Variants in SPOCK3 observed in about 807,000 individuals in gnomAD.
The protein encoded by SPOCK3 is SPARC (osteonectin), cwcv and kazal like domains proteoglycan 3.
SPOCK3 carries 30 observed loss-of-function variants against 56.6 expected under a neutral mutation model. The ratio of observed to expected loss-of-function variants is 0.53; its 90% CI spans 0.40 to 0.72. The LOEUF (loss-of-function observed/expected upper bound fraction) is 0.72, where lower values mean the gene tolerates loss of function less well. SPOCK3 is among the 30% of genes least tolerant of loss of function. SPOCK3 has a pLI of 0.00. For synonymous variants in SPOCK3, 196 were observed against 183.3 expected, an observed-to-expected ratio of 1.07 and a Z score of -0.56; for missense variants, 527 against 530.0, an observed-to-expected ratio of 0.99 and a Z score of 0.06.
rs566592333 is a variant in SPOCK3, at chr4:166,992,085, A to C, written c.350+8264T>G. Among the ~76,000 whole-genome samples, 3 of 152,300 alleles carry C rather than the reference A, an allele frequency of 2.0e-5. No homozygotes were observed. The East Asian group carries it at 5.8e-4, about 29-fold the overall frequency. On this transcript the variant is annotated intron_variant, in intron 4 of 10. Coordinates refer to ENST00000357545, the MANE Select transcript of SPOCK3 (RefSeq NM_001040159.2). ...AGATAAAATCCATTTGCTGAATTGC[A>C]AATGTTCAAAACATGTTATGTTAAA...
intron 2 of SPOCK3, among the ~76,000 whole-genome samples, chr4:167,161,078 A>C (rs569845874): frequency 6.6e-6 from 1 of 152,328 alleles, no homozygotes; most frequent in African/African-American, 2.4e-5. Context: ...TCTGCACAGC[A>C]AAAGAAACTA....
rs1257494617 is a variant in SPOCK3 at position 167,116,585 on chromosome 4, T to TGTATATATATACATATATACTATATAC, written c.190-54075_190-54049dup. ...ATATACTTTTATACATATATAGTTT[T>TGTATATATATACATATATACTATATAC]GTATATATATACATATATACTATAT... On this transcript the variant is annotated intron_variant, in intron 2 of 10. Transcript: ENST00000357545. Among the ~76,000 whole-genome samples, 103 of 113,582 alleles carry TGTATATATATACATATATACTATATAC rather than the reference T, an allele frequency of 9.1e-4. 1 individual carries two copies. The highest frequency in any genetic ancestry group is 2.8e-3 in the African/African-American group (76 of 27,574). The allele number at this position is 113,582 out of a possible 152,430, so 74.5% of individuals were successfully genotyped here. A position where few individuals can be genotyped will look rare whatever the true frequency, so the allele number is the denominator to read the frequency against.
At chr4:167,025,314 C>A (rs1751598718) in intron 3 of SPOCK3, among the ~76,000 whole-genome samples, 1 of 151,678 alleles carries the variant, frequency 6.6e-6, no homozygotes, top group Admixed American at 6.6e-5. Context: ...GCAGGCCAAG[C>A]CTACCAAAAC....
intron 2 of SPOCK3, among the ~76,000 whole-genome samples, chr4:167,207,476 G>A (rs960933840): frequency 6.6e-6 from 1 of 151,976 alleles, no homozygotes. Flanking sequence ...CATGTATTTG[G>A]TGTAAAATCA....
chr4:166,976,874 T>TTA (rs993093280), intron 4 of SPOCK3, among the ~76,000 whole-genome samples: 2 of 151,572 alleles, frequency 1.3e-5, no homozygotes, highest in Non-Finnish European at 2.9e-5. Context: ...CTCACAGATA[T>TTA]TATATATATA....
intron 6 of SPOCK3, among the ~76,000 whole-genome samples, chr4:166,838,547 T>C (rs1746869180): frequency 6.6e-6 from 1 of 151,712 alleles, no homozygotes; most frequent in Admixed American, 6.6e-5. Flanking sequence ...TTTTACATTT[T>C]CCATTTCTTT....
chr4:166,739,573 A>G (rs925816151), intron 9 of SPOCK3, among the ~76,000 whole-genome samples: 2 of 152,120 alleles, frequency 1.3e-5, no homozygotes, highest in African/African-American at 4.8e-5. Flanking sequence ...AAAATCTAAC[A>G]TACTCTATGG....
At chr4:166,742,666 T>C (rs1735012316) in intron 8 of SPOCK3, among the ~76,000 whole-genome samples, 8 of 152,280 alleles carry the variant, frequency 5.3e-5, no homozygotes, top group Admixed American at 4.6e-4. Flanking sequence ...CAGCCATATA[T>C]GCAATTTAGG....
intron 4 of SPOCK3, among the ~76,000 whole-genome samples, chr4:166,966,984 C>T (rs928287754): frequency 6.6e-6 from 1 of 152,128 alleles, no homozygotes; most frequent in African/African-American, 2.4e-5. Flanking sequence ...CATCATGCAA[C>T]CTCTAGGTAT....
intron 2 of SPOCK3, among the ~76,000 whole-genome samples, chr4:167,097,608 T>C (rs72699643): frequency 5.3e-5 from 8 of 151,716 alleles, no homozygotes; most frequent in African/African-American, 1.7e-4. Context: ...ATTTCTTACA[T>C]TGATATATTG....
intron 2 of SPOCK3, among the ~76,000 whole-genome samples, chr4:167,113,284 A>T (rs1455191021): frequency 6.6e-6 from 1 of 152,142 alleles, no homozygotes; most frequent in Non-Finnish European, 1.5e-5. Context: ...TCTACACAGT[A>T]ACCTAACATT....
chr4:166,895,319 A>C (rs1735254599), intron 5 of SPOCK3, among the ~76,000 whole-genome samples: 1 of 152,120 alleles, frequency 6.6e-6, no homozygotes, highest in African/African-American at 2.4e-5. Context: ...GTTGTTAAAA[A>C]TAATAAAAAA....
At chr4:166,969,765 G>C (rs1745175898) in intron 4 of SPOCK3, among the ~76,000 whole-genome samples, 1 of 152,070 alleles carries the variant, frequency 6.6e-6, no homozygotes, top group Non-Finnish European at 1.5e-5. Flanking sequence ...GGTGAGAATA[G>C]ACTAATACAG....
chr4:166,939,546 A>G (rs1387410682), intron 4 of SPOCK3, among the ~76,000 whole-genome samples: 2 of 152,204 alleles, frequency 1.3e-5, no homozygotes, highest in Non-Finnish European at 2.9e-5. Flanking sequence ...CCATAGTTCT[A>G]TGCAGGAAAT....
intron 8 of SPOCK3, among the ~76,000 whole-genome samples, chr4:166,749,497 G>T (rs1416769429): frequency 1.3e-5 from 2 of 151,934 alleles, no homozygotes; most frequent in African/African-American, 4.8e-5. Flanking sequence ...TGCGGTGGGG[G>T]GAGCGGGGAG....
At chr4:167,230,517 A>AC (rs1242736961) in intron 2 of SPOCK3, among the ~76,000 whole-genome samples, 3 of 151,330 alleles carry the variant, frequency 2.0e-5, no homozygotes, top group Non-Finnish European at 3.0e-5. Flanking sequence ...AAAAAAAAAA[A>AC]AAACCAGCAT....
At chr4:167,085,574 C>T (rs576291900) in intron 2 of SPOCK3, among the ~76,000 whole-genome samples, 2 of 152,160 alleles carry the variant, frequency 1.3e-5, no homozygotes, top group South Asian at 2.1e-4. Flanking sequence ...CGAAATTCAT[C>T]GTTTGAAAAG....
intron 4 of SPOCK3, among the ~76,000 whole-genome samples, chr4:166,951,315 A>T (rs4328942): frequency 0.66 from 87,411 of 132,750 alleles, 33,030 homozygotes; most frequent in East Asian, 0.89. Flanking sequence ...TCTACGCAAA[A>T]AAACTAGAAA....
intron 6 of SPOCK3, among the ~76,000 whole-genome samples, chr4:166,795,729 T>C (rs1339552995): frequency 6.6e-6 from 1 of 151,992 alleles, no homozygotes; most frequent in East Asian, 1.9e-4. Context: ...CATTTTCATG[T>C]TGTATTTGAG....
Sources: gnomAD v4.1 joint callset for allele counts (sites outside exome capture counted in the v4.1 genomes callset) on GRCh38, gnomAD v4.1.1 for gene constraint, MANE v1.5 for transcripts, NCBI Gene and HGNC (gene_info 2026-07-23, HGNC 2026-07-21) for gene names.